ADAM10: variants seen among roughly 807,000 people sequenced by gnomAD.
ADAM10 encodes disintegrin and metalloproteinase domain-containing protein 10.
Under a neutral mutation model 90.1 loss-of-function variants are expected in ADAM10, and 17 were observed. That is an observed-to-expected ratio of 0.19 (90% CI 0.13 to 0.28). ADAM10 has a LOEUF of 0.28. Ranked by LOEUF, ADAM10 falls within the 10% of genes least tolerant of loss-of-function variation. The probability of loss-of-function intolerance (pLI) is 1.00; values close to 1 mark genes in which losing one functional copy is unlikely to be tolerated. For missense variants in ADAM10, 610 were observed against 914.3 expected (o/e 0.67, Z 4.29); for synonymous variants, 310 against 298.6 (o/e 1.04, Z -0.40).
intron 4 of ADAM10, among the ~76,000 whole-genome samples, chr15:58,677,775 G>C (rs1224302017): frequency 2.6e-5 from 4 of 152,090 alleles, no homozygotes; most frequent in Non-Finnish European, 5.9e-5. Context: ...AAACATTCTA[G>C]AAAAATATTC....
Position 58,599,128 on chromosome 15 carries a change from G to A in ADAM10, c.2152+470C>T, listed in dbSNP as rs1185337720. Among the ~76,000 whole-genome samples the A allele has an allele frequency of 2.1e-5, 3 of 143,772 alleles. No individual in the cohort carries two copies. In the Admixed American group the frequency reaches 2.2e-4, roughly 11 times the overall value. The allele number at this position is 143,772 out of a possible 152,430, so 94.3% of individuals were successfully genotyped here. A position where few individuals can be genotyped will look rare whatever the true frequency, so the allele number is the denominator to read the frequency against. On this transcript the variant is annotated intron_variant, in intron 15 of 15. Transcript: ENST00000260408. Reference sequence around the variant, plus strand: ...TTGCTTGAGCTCAGGAGTAAGTCCAGCCTGGGCAACACAGTGAGAGAAAGA... The same window carrying A: ...TTGCTTGAGCTCAGGAGTAAGTCCAACCTGGGCAACACAGTGAGAGAAAGA...
In ADAM10 at chr15:58,647,246, G is replaced by GTTTTTTTT. The variant is rs1323960397; in HGVS notation, c.586-1043_586-1042insAAAAAAAA. 3.2e-3 allele frequency among the ~76,000 whole-genome samples: 119 copies of GTTTTTTTT among 36,832 alleles called. 4 individuals carry two copies. Among genetic ancestry groups the GTTTTTTTT allele is most frequent in the Admixed American group, 0.022 (77 of 3,480 alleles). The allele number at this position is 36,832 out of a possible 152,430, so 24.2% of individuals were successfully genotyped here. A position where few individuals can be genotyped will look rare whatever the true frequency, so the allele number is the denominator to read the frequency against. On this transcript the variant is annotated intron_variant, in intron 5 of 15. Coordinates refer to ENST00000260408, the MANE Select transcript of ADAM10 (RefSeq NM_001110.4). ...CTTGGCAGCAAAGAGTAGACACTAA[G>GTTTTTTTT]TATTTTTTTTTTTTTTTTTTTTTTT...
chr15:58,741,257 T>G (rs1899603436), intron 1 of ADAM10, among the ~76,000 whole-genome samples: 1 of 152,300 alleles, frequency 6.6e-6, no homozygotes, highest in South Asian at 2.1e-4. Flanking sequence ...GAAACAGAAG[T>G]TCATAGTTCA....
In ADAM10 at chr15:58,650,120, T is replaced by C. The variant is rs1896649408; in HGVS notation, c.586-3916A>G. Among the ~76,000 whole-genome samples the C allele has an allele frequency of 4.6e-5, 7 of 152,346 alleles. No individual in the cohort carries two copies. The South Asian group carries it at 1.4e-3, about 32-fold the overall frequency. On this transcript the variant is annotated intron_variant, in intron 5 of 15. Transcript: ENST00000260408. ...CAATTTTCTGCTAAAATTTTAAATT[T>C]AGTCTTTATGACTTGAATATATTAA...
intron 2 of ADAM10, chr15:58,691,107 C>T: frequency 1.5e-6 from 1 of 668,546 alleles, no homozygotes; most frequent in Non-Finnish European, 2.9e-6. Context: ...GGCTATCTAG[C>T]TGTAGGTGCT....
At chr15:58,612,339 C>A (rs975087819) in intron 11 of ADAM10, among the ~76,000 whole-genome samples, 2 of 152,102 alleles carry the variant, frequency 1.3e-5, no homozygotes, top group Admixed American at 6.5e-5. Context: ...CAGGGCTAAG[C>A]CAACACAGTA....
At chr15:58,695,033 T>C (rs141632387) in intron 2 of ADAM10, among the ~76,000 whole-genome samples, 1 of 152,368 alleles carries the variant, frequency 6.6e-6, no homozygotes, top group African/African-American at 2.4e-5. Flanking sequence ...ATATATTTTA[T>C]GTAAGTAGGG....
intron 5 of ADAM10, among the ~76,000 whole-genome samples, chr15:58,651,142 A>T (rs1479088229): frequency 6.6e-6 from 1 of 152,058 alleles, no homozygotes; most frequent in Non-Finnish European, 1.5e-5. Context: ...AGGTATATAT[A>T]TTTATGGGGT....
At chr15:58,723,063 G>T (rs1898911581) in intron 1 of ADAM10, among the ~76,000 whole-genome samples, 1 of 151,554 alleles carries the variant, frequency 6.6e-6, no homozygotes, top group Non-Finnish European at 1.5e-5. Flanking sequence ...CTTTTTTCAA[G>T]ACAGTGTGCT....
chr15:58,730,862 G>C (rs1318966754), intron 1 of ADAM10, among the ~76,000 whole-genome samples: 1 of 152,150 alleles, frequency 6.6e-6, no homozygotes, highest in African/African-American at 2.4e-5. Flanking sequence ...CTTTCCCCTC[G>C]GGACATCAGG....
At chr15:58,664,647 T>TA (rs1238759029) in intron 5 of ADAM10, among the ~76,000 whole-genome samples, 1 of 151,996 alleles carries the variant, frequency 6.6e-6, no homozygotes, top group Admixed American at 6.6e-5. Flanking sequence ...CACCTATGAC[T>TA]AAAGAAAAAG....
chr15:58,622,056 C>T (rs1332272704), intron 10 of ADAM10, among the ~76,000 whole-genome samples: 1 of 152,098 alleles, frequency 6.6e-6, no homozygotes, highest in East Asian at 1.9e-4. Context: ...CAATGAATTC[C>T]CATGTACCAA....
At chr15:58,615,825 T>C (rs1421927131) in intron 11 of ADAM10, among the ~76,000 whole-genome samples, 1 of 152,014 alleles carries the variant, frequency 6.6e-6, no homozygotes, top group Non-Finnish European at 1.5e-5. Context: ...CTGACCAACA[T>C]GGCAAAACCC....
intron 1 of ADAM10, among the ~76,000 whole-genome samples, chr15:58,736,082 T>C (rs1191279753): frequency 6.6e-6 from 1 of 152,208 alleles, no homozygotes; most frequent in African/African-American, 2.4e-5. Flanking sequence ...TTCTATTTGA[T>C]GGATGATTAA....
rs16940727 is a variant in ADAM10 at position 58,740,913 on chromosome 15, T to A, written c.55+8567A>T. On this transcript the variant is annotated intron_variant, in intron 1 of 15. Transcript: ENST00000260408. The stretch of plus-strand genomic sequence containing the variant: ...CTACTAAAAATAGATTTTATCCATC[T>A]GTATTTTGTAACTAATAGATTCCAA... Among the ~76,000 whole-genome samples, 539 of 152,374 alleles carry A rather than the reference T, an allele frequency of 3.5e-3. 6 individuals are homozygous for A. Among genetic ancestry groups the A allele is most frequent in the African/African-American group, 0.012 (508 of 41,592 alleles).
intron 10 of ADAM10, among the ~76,000 whole-genome samples, chr15:58,625,982 CAG>C (rs1895931311): frequency 1.3e-5 from 2 of 151,868 alleles, no homozygotes; most frequent in African/African-American, 4.8e-5. Flanking sequence ...AACAGGGTAG[CAG>C]GGGGGAGGAA....
chr15:58,682,260 T>C lies in ADAM10; in HGVS notation c.261A>G (p.Lys87=). 5 of 1,613,192 alleles carry C rather than the reference T, an allele frequency of 3.1e-6. No individual in the cohort carries two copies. Among genetic ancestry groups the C allele is most frequent in the Non-Finnish European group, 4.2e-6 (5 of 1,179,544 alleles). ...RDTSLFSDEF[K]VETSNKVLDY... is the part of the protein sequence containing the mutation. ...CAAGTACTTTATTTGATGTTTCTAC[T>C]TTAAATTCATCACTGAAAAGGGAAG... is the stretch of plus-strand genomic sequence containing the variant. Residue 87 remains lysine, a synonymous_variant, in exon 3 of 16, where the codon AAA becomes AAG. Transcript: ENST00000260408.
chr15:58,601,552 G>T (rs574416990), intron 14 of ADAM10, among the ~76,000 whole-genome samples: 10 of 151,786 alleles, frequency 6.6e-5, no homozygotes, highest in Admixed American at 2.0e-4. Context: ...TGTTACTCTT[G>T]AACATTTTAG....
At chr15:58,722,501 C>T (rs1898887752) in intron 1 of ADAM10, among the ~76,000 whole-genome samples, 1 of 149,728 alleles carries the variant, frequency 6.7e-6, no homozygotes. Context: ...ACGGCCAGTG[C>T]ACTCCAGCCT....
Sources: gnomAD v4.1 joint callset for allele counts (sites outside exome capture counted in the v4.1 genomes callset) on GRCh38, gnomAD v4.1.1 for gene constraint, MANE v1.5 for transcripts, NCBI Gene and HGNC (gene_info 2026-07-23, HGNC 2026-07-21) for gene names.